Variants in NLRP1 observed in about 807,000 individuals in gnomAD.
The protein encoded by NLRP1 is NLR family pyrin domain containing 1, also known as NACHT, LRR and PYD domains-containing protein 1.
NLRP1 carries 94 observed loss-of-function variants against 136.7 expected under a neutral mutation model. The observed-to-expected ratio is 0.69, with a 90% confidence interval of 0.58 to 0.82. The LOEUF (loss-of-function observed/expected upper bound fraction) is 0.82, where lower values mean the gene tolerates loss of function less well. Among genes scored for constraint, NLRP1 ranks in the 40% least tolerant of loss-of-function variants. The pLI is 0.00. For synonymous variants in NLRP1, 690 were observed against 725.1 expected (o/e 0.95, Z 0.78); for missense variants, 1,575 against 1,802.7 (o/e 0.87, Z 2.29).
chr17:5,516,070 T>TAAAAAAAAAAA (rs1908069242), intron 15 of NLRP1, among the ~76,000 whole-genome samples: 1 of 140,566 alleles, frequency 7.1e-6, no homozygotes, highest in Non-Finnish European at 1.6e-5. Flanking sequence ...TGAAGGGACT[T>TAAAAAAAAAAA]AAAAATTGCT....
In NLRP1 at chr17:5,582,919, T is replaced by C. The variant is rs116818063; in HGVS notation, c.272-73A>G. On this transcript the variant is annotated intron_variant, in intron 1 of 16. Coordinates refer to ENST00000572272, the MANE Select transcript of NLRP1 (RefSeq NM_033004.4). ...GCAAGGTGCCAGGGAACTGAGCTGG[T>C]CTCCTCTCTCAACCAAGAGAGGTCA... 4.1e-3 allele frequency: 5,072 copies of C among 1,249,258 alleles called. 133 individuals are homozygous for C. In the African/African-American group the frequency reaches 0.062, roughly 15 times the overall value. The allele number at this position is 1,249,258 out of a possible 1,614,324, so 77.4% of individuals were successfully genotyped here. A position where few individuals can be genotyped will look rare whatever the true frequency, so the allele number is the denominator to read the frequency against.
At position 5,559,007 on chromosome 17, in the gene NLRP1, T is replaced by G; in HGVS notation, c.1689A>C (p.Pro563=). The G allele has an allele frequency of 1.2e-6, 2 of 1,614,122 alleles. No homozygotes were observed. Among genetic ancestry groups the G allele is most frequent in the Non-Finnish European group, 1.7e-6 (2 of 1,180,012 alleles). The change falls in exon 4 of 17, where the codon CCA becomes CCC. Residue 563 remains proline, a synonymous_variant. Transcript: ENST00000572272. ...AGAGGTCTCTGAGCTGGGGTCCCAA[T>G]GGCTGAGCTTGGAGAGCCTGGGCAA... ...HYLAQALQAQ[P]LGPQLRDLCS...
chr17:5,552,614 A>G (rs1040946568), intron 5 of NLRP1, among the ~76,000 whole-genome samples: 2 of 152,060 alleles, frequency 1.3e-5, no homozygotes, highest in Non-Finnish European at 2.9e-5. Flanking sequence ...ATCATCCTTG[A>G]TATCTTCCTC....
rs1212408756 is a variant in NLRP1, at chr17:5,558,239, C to T, written c.2357+100G>A. 14 of 1,333,072 alleles carry T rather than the reference C, an allele frequency of 1.1e-5. No individual in the cohort carries two copies. In the African/African-American group the frequency reaches 1.9e-4, roughly 18 times the overall value. 82.6% of individuals were successfully genotyped at this position (1,333,072 alleles called of 1,614,324 possible). ...GAGACCCTGATCCTTTAGCCACCCC[C>T]ACCCCCGGCCAGGCTCAGTGAGCAT... On this transcript the variant is annotated intron_variant, in intron 4 of 16. Coordinates refer to ENST00000572272, the MANE Select transcript of NLRP1 (RefSeq NM_033004.4).
chr17:5,515,804 G>A (rs1385111725), intron 15 of NLRP1, among the ~76,000 whole-genome samples: 2 of 152,150 alleles, frequency 1.3e-5, no homozygotes, highest in Non-Finnish European at 2.9e-5. Flanking sequence ...TCCCAGACTT[G>A]GTTTTAATCC....
rs1911254863 is a variant in NLRP1, at chr17:5,537,605, G to A, written c.2871-665C>T. 6.6e-6 allele frequency among the ~76,000 whole-genome samples: 1 copy of A among 152,194 alleles called. No homozygotes were observed. The highest frequency in any genetic ancestry group is 1.5e-5 in the Non-Finnish European group (1 of 68,032). ...GTTCTGAGGCCCAGACAAGGAGGCG[G>A]TGAAAAGACCCTGTCTTCTGCGAAG... On this transcript the variant is annotated intron_variant, in intron 7 of 16. Transcript: ENST00000572272. The surrounding 1 kb of genome is among the most constrained non-coding windows in gnomAD (Gnocchi z 4.5).
chr17:5,533,235 G>T, intron 10 of NLRP1, 69 bp downstream of exon 10: 1 of 1,549,332 alleles, frequency 6.5e-7, no homozygotes, highest in Non-Finnish European at 8.7e-7. Flanking sequence ...TCCCCAGCAT[G>T]CCCAGGTGGG....
intron 13 of NLRP1, 38 bp from the exon 14 acceptor site, chr17:5,521,050 T>A (rs754420494): frequency 7.7e-6 from 12 of 1,560,908 alleles, no homozygotes. Flanking sequence ...GGGAGGCTTC[T>A]GCCCCGTGGA....
intron 5 of NLRP1, among the ~76,000 whole-genome samples, chr17:5,548,399 C>A (rs913115114): frequency 6.6e-6 from 1 of 152,160 alleles, no homozygotes; most frequent in African/African-American, 2.4e-5. Flanking sequence ...TCCCTCCTCC[C>A]TCTGAGGATA....
rs1405910278 is a variant in NLRP1 at position 5,506,258 on chromosome 17, T to C, written c.4070-4386A>G. Among the ~76,000 whole-genome samples, 5 of 147,540 alleles carry C rather than the reference T, an allele frequency of 3.4e-5. No homozygotes were observed. In the Admixed American group the frequency reaches 3.4e-4, roughly 10 times the overall value. On this transcript the variant is annotated intron_variant, in intron 15 of 15. Coordinates refer to the NLRP1 transcript ENST00000262467. ...GAGATGGCACCATTGCACTCCAGTCTGGGCAACAAGAACAAAAGTCTGTCT... is the reference window on the plus strand; with the variant it reads ...GAGATGGCACCATTGCACTCCAGTCCGGGCAACAAGAACAAAAGTCTGTCT...
chr17:5,546,744 C>T (rs146145719), intron 5 of NLRP1, among the ~76,000 whole-genome samples: 111 of 151,922 alleles, frequency 7.3e-4, no homozygotes, highest in Non-Finnish European at 1.2e-3. Flanking sequence ...TTATCAGGGG[C>T]GAGGAGGGGG....
chr17:5,569,149 C>T (rs1250421739), intron 3 of NLRP1, among the ~76,000 whole-genome samples: 1 of 152,080 alleles, frequency 6.6e-6, no homozygotes, highest in African/African-American at 2.4e-5. Context: ...AACAAAAGAC[C>T]ATCACTGGCC....
chr17:5,518,907 C>T (rs1164849083), intron 14 of NLRP1, among the ~76,000 whole-genome samples: 15 of 149,292 alleles, frequency 1.0e-4, no homozygotes, highest in South Asian at 4.2e-4. Context: ...GGCACGATCT[C>T]GGCTCACTGC....
intron 3 of NLRP1, among the ~76,000 whole-genome samples, chr17:5,561,143 G>A (rs1187560378): frequency 2.6e-5 from 4 of 152,084 alleles, no homozygotes; most frequent in African/African-American, 7.2e-5. Context: ...CGCAACCTCC[G>A]CCTCCCAGGG....
chr17:5,540,249 A>G (rs551451097), intron 6 of NLRP1, among the ~76,000 whole-genome samples: 15 of 152,346 alleles, frequency 9.8e-5, no homozygotes, highest in African/African-American at 3.4e-4. Flanking sequence ...CTTTGTACGT[A>G]CGGATGTGGG....
At chr17:5,511,439 TAA>T (rs60642771), downstream of NLRP1, among the ~76,000 whole-genome samples, 6 of 137,320 alleles carry the variant, frequency 4.4e-5, no homozygotes, top group Admixed American at 2.2e-4. Context: ...AGCCTCCGTC[TAA>T]AAAAAAAAAA....
At chr17:5,575,413 AAAG>A (rs1385112320) in intron 3 of NLRP1, among the ~76,000 whole-genome samples, 1 of 152,216 alleles carries the variant, frequency 6.6e-6, no homozygotes, top group Non-Finnish European at 1.5e-5. Context: ...GGCTCAAAAT[AAAG>A]GGATGGAGGA....
At chr17:5,507,296 C>T (rs1019558569) in intron 15 of NLRP1, among the ~76,000 whole-genome samples, 1 of 152,062 alleles carries the variant, frequency 6.6e-6, no homozygotes, top group Non-Finnish European at 1.5e-5. Flanking sequence ...TGTTCTCCCT[C>T]AAACTGTCTT....
Position 5,583,441 on chromosome 17 carries a change from C to T in NLRP1, c.271+246G>A, listed in dbSNP as rs966338615. 2.0e-5 allele frequency among the ~76,000 whole-genome samples: 3 copies of T among 152,248 alleles called. No homozygotes were observed. Among genetic ancestry groups the T allele is most frequent in the South Asian group, 2.1e-4 (1 of 4,818 alleles). On this transcript the variant is annotated intron_variant, in intron 1 of 16. Coordinates refer to ENST00000572272, the MANE Select transcript of NLRP1 (RefSeq NM_033004.4). The surrounding 1 kb of genome is among the most constrained non-coding windows in gnomAD (Gnocchi z 4.5). The stretch of plus-strand genomic sequence containing the variant: ...CCGTGCTCATAACTACAATGCCAGG[C>T]GAGTACCGGGAATGCACTTGAATAG...
Sources: allele counts gnomAD v4.1 joint callset (sites outside exome capture counted in the v4.1 genomes callset), GRCh38; gene constraint gnomAD v4.1.1; non-coding constraint Gnocchi (gnomAD v3.1); transcripts MANE v1.5; gene names NCBI Gene and HGNC (gene_info 2026-07-23, HGNC 2026-07-21).